The following COL14A1 variants were observed in gnomAD, a reference collection of about 807,000 sequenced individuals.
COL14A1 encodes the protein collagen alpha-1(XIV) chain.
Under a neutral mutation model 230.3 loss-of-function variants are expected in COL14A1, and 136 were observed. The ratio of observed to expected loss-of-function variants is 0.59; its 90% CI spans 0.51 to 0.68. The LOEUF (loss-of-function observed/expected upper bound fraction) is 0.68. Among genes scored for constraint, COL14A1 ranks in the 30% least tolerant of loss-of-function variants. The pLI is 0.00. For synonymous variants in COL14A1, 792 were observed against 784.1 expected (o/e 1.01, Z -0.17); for missense variants, 1,976 against 2,215.8 (o/e 0.89, Z 2.17).
chr8:120,176,651 T>G (rs936807544), intron 5 of COL14A1, among the ~76,000 whole-genome samples: 2 of 151,940 alleles, frequency 1.3e-5, no homozygotes, highest in African/African-American at 4.8e-5. Context: ...ACTAGATGGG[T>G]CTTGTAGGTT....
chr8:120,318,886 C>T (rs1318378000), intron 40 of COL14A1, among the ~76,000 whole-genome samples: 7 of 152,262 alleles, frequency 4.6e-5, no homozygotes, highest in Non-Finnish European at 5.9e-5. Flanking sequence ...AATCAGGAAG[C>T]CAAAGCTTTT....
At chr8:120,228,858 G>A in intron 18 of COL14A1, 89 bp downstream of exon 18, 9 of 1,152,936 alleles carry the variant, frequency 7.8e-6, no homozygotes, top group Non-Finnish European at 9.0e-6. Flanking sequence ...TTATTAACTA[G>A]GAAAAGAGAT....
In COL14A1 at chr8:120,141,284, T is replaced by C. The variant is rs186967509; in HGVS notation, c.-37-6522T>C. On this transcript the variant is annotated intron_variant, in intron 1 of 47. Transcript: ENST00000297848. ...TATGCTGGGCACAGTGGCTCATTCC[T>C]ATAATCCCAGTATTTTGAGAGTCTG... 2.8e-3 allele frequency among the ~76,000 whole-genome samples: 424 copies of C among 152,288 alleles called. 1 individual carries two copies. Among genetic ancestry groups the C allele is most frequent in the Non-Finnish European group, 4.1e-3 (280 of 68,024 alleles).
intron 23 of COL14A1, among the ~76,000 whole-genome samples, chr8:120,258,712 A>G (rs766973334): frequency 1.6e-4 from 24 of 152,194 alleles, no homozygotes; most frequent in Non-Finnish European, 2.9e-4. Context: ...TGACTCAGTC[A>G]TCCATTTGCC....
At chr8:120,234,524 G>T (rs770502134) in intron 19 of COL14A1, among the ~76,000 whole-genome samples, 7 of 152,082 alleles carry the variant, frequency 4.6e-5, no homozygotes, top group East Asian at 1.9e-4. Context: ...TAGCATGAAG[G>T]GGTGTTGAAT....
chr8:120,209,899 G>C lies in COL14A1; in HGVS notation c.1465G>C (p.Glu489Gln). The C allele has an allele frequency of 6.2e-7, 1 of 1,602,482 alleles. No homozygotes were observed. Among genetic ancestry groups the C allele is most frequent in the Non-Finnish European group, 8.5e-7 (1 of 1,175,812 alleles). Reference protein sequence around the residue: ...LTEGLAGDEKEMKIGETHTDI... With the variant: ...LTEGLAGDEKQMKIGETHTDI... ...AGAGGGCCTGGCTGGGGATGAAAAAGAGGTAACCACTTCCTACCTATTACA... is the reference window on the plus strand; with the variant it reads ...AGAGGGCCTGGCTGGGGATGAAAAACAGGTAACCACTTCCTACCTATTACA... The change falls in exon 12 of 48, where the codon GAG (glutamate) becomes CAG (glutamine). Residue 489 changes from glutamate to glutamine, a missense_variant and splice_region_variant. Around this residue, in one of 3 missense-constraint regions of COL14A1, gnomAD observed 1,791 missense variants for 2,019.5 expected, o/e 0.89. Transcript: ENST00000297848.
intron 1 of COL14A1, among the ~76,000 whole-genome samples, chr8:120,142,188 T>G (rs1032953305): frequency 6.6e-6 from 1 of 152,204 alleles, no homozygotes; most frequent in African/African-American, 2.4e-5. Context: ...CTTAGAATAT[T>G]TCATTGGAGT....
At chr8:120,278,668 T>C in intron 28 of COL14A1, 90 bp downstream of exon 28, 4 of 1,276,134 alleles carry the variant, frequency 3.1e-6, no homozygotes, top group Non-Finnish European at 4.2e-6. Context: ...CAGCATTACT[T>C]AAATGTTTTA....
At position 120,231,451 on chromosome 8, in the gene COL14A1, G is replaced by T; in HGVS notation, c.2198-16G>T. ...TATGTTAAAAGTTTTTTAATCCTTG[G>T]TTGTGTTTATTCCAGTTTTCCAGAC... On this transcript the variant is annotated splice_polypyrimidine_tract_variant and intron_variant, in intron 18 of 47. Coordinates refer to ENST00000297848, the MANE Select transcript of COL14A1 (RefSeq NM_021110.4). 1 of 1,611,962 alleles carries T rather than the reference G, an allele frequency of 6.2e-7. No individual in the cohort carries two copies. Among genetic ancestry groups the T allele is most frequent in the Non-Finnish European group, 8.5e-7 (1 of 1,179,246 alleles).
rs1173766250 is a variant in COL14A1, at chr8:120,310,011, T to A, written c.4404T>A (p.Gly1468=). ...AATACTTAACATCTGTTTGCCAGGGTGGTCCAGGACTCCGAGGACCAAAGG... is the reference window on the plus strand; with the variant it reads ...AATACTTAACATCTGTTTGCCAGGGAGGTCCAGGACTCCGAGGACCAAAGG... ...EVALGPAGPP[G]GPGLRGPKGQ... is the part of the protein sequence containing the mutation. The change falls in exon 37 of 48, where the codon GGT becomes GGA. Residue 1468 remains glycine, a splice_region_variant and synonymous_variant. Coordinates refer to ENST00000297848, the MANE Select transcript of COL14A1 (RefSeq NM_021110.4). 6.2e-7 allele frequency: 1 copy of A among 1,613,870 alleles called. No homozygotes were observed. The highest frequency in any genetic ancestry group is 8.5e-7 in the Non-Finnish European group (1 of 1,179,848).
At chr8:120,361,386 A>G (rs959847560) in intron 45 of COL14A1, among the ~76,000 whole-genome samples, 1 of 152,244 alleles carries the variant, frequency 6.6e-6, no homozygotes, top group Non-Finnish European at 1.5e-5. Context: ...CCATCTTAGC[A>G]TAAAGCATGG....
intron 2 of COL14A1, among the ~76,000 whole-genome samples, chr8:120,150,184 A>G (rs1644945195): frequency 6.6e-6 from 1 of 152,226 alleles, no homozygotes; most frequent in Non-Finnish European, 1.5e-5. Flanking sequence ...TGGCAGAGAC[A>G]AAGATGGAAA....
Position 120,280,773 on chromosome 8 carries a change from A to G in COL14A1, c.3685+24A>G, listed in dbSNP as rs749167012. 9.3e-6 allele frequency: 15 copies of G among 1,611,342 alleles called. No individual in the cohort carries two copies. In the Admixed American group the frequency reaches 2.5e-4, roughly 27 times the overall value. ...AGGTATGCATTATCACAATCTTTTC[A>G]AACACAAAATATATTACAGGCCTCT... On this transcript the variant is annotated intron_variant, in intron 30 of 47. Transcript: ENST00000297848.
chr8:120,148,898 C>G (rs907096530), intron 2 of COL14A1, among the ~76,000 whole-genome samples: 1 of 152,200 alleles, frequency 6.6e-6, no homozygotes, highest in African/African-American at 2.4e-5. Context: ...TGGGCCAAAT[C>G]TGGCCCACTG....
intron 4 of COL14A1, among the ~76,000 whole-genome samples, chr8:120,165,415 A>C (rs1379359264): frequency 6.6e-6 from 1 of 152,228 alleles, no homozygotes; most frequent in Non-Finnish European, 1.5e-5. Context: ...TATCTGATCT[A>C]ATAGGTATTA....
At chr8:120,348,966 A>C (rs1354193655) in intron 45 of COL14A1, among the ~76,000 whole-genome samples, 1 of 152,156 alleles carries the variant, frequency 6.6e-6, no homozygotes, top group Non-Finnish European at 1.5e-5. Flanking sequence ...AGTTTGAAAA[A>C]CACTATACCC....
chr8:120,247,113 C>A (rs1213093969), intron 20 of COL14A1, among the ~76,000 whole-genome samples: 1 of 152,122 alleles, frequency 6.6e-6, no homozygotes, highest in African/African-American at 2.4e-5. Context: ...GTTCTAAGAG[C>A]AATTATTTCC....
rs142397245 is a variant in COL14A1, at chr8:120,176,305, C to A, written c.436+8058C>A. ...CAGAATTCTACCCTCATGGAGCTTACATAATCTAGCAGGGCTCAACACATG... is the reference window on the plus strand; with the variant it reads ...CAGAATTCTACCCTCATGGAGCTTAAATAATCTAGCAGGGCTCAACACATG... On this transcript the variant is annotated intron_variant, in intron 5 of 47. Coordinates refer to ENST00000297848, the MANE Select transcript of COL14A1 (RefSeq NM_021110.4). 3.3e-5 allele frequency among the ~76,000 whole-genome samples: 5 copies of A among 152,232 alleles called. No individual in the cohort carries two copies. In the East Asian group the frequency reaches 9.7e-4, roughly 29 times the overall value.
rs1819516329 is a variant in COL14A1, at chr8:120,266,842, G to A, written c.3032G>A (p.Arg1011Gln). 3 of 1,611,996 alleles carry A rather than the reference G, an allele frequency of 1.9e-6. No homozygotes were observed. Among genetic ancestry groups the A allele is most frequent in the Non-Finnish European group, 8.5e-7 (1 of 1,178,692 alleles). ...TCCTTTACAGAATCACTTCCTACAC[G>A]ACCACCAACTTTTCCTCCAACCATT... is the stretch of plus-strand genomic sequence containing the variant. ...IMEKTQSLPT[R>Q]PPTFPPTIPP... The change falls in exon 25 of 48, where the codon CGA becomes CAA. Residue 1011 changes from arginine to glutamine, a missense_variant. Around this residue, in one of 3 missense-constraint regions of COL14A1, gnomAD observed 1,791 missense variants for 2,019.5 expected, o/e 0.89. Transcript: ENST00000297848.
Sources: gnomAD v4.1 joint callset for allele counts (sites outside exome capture counted in the v4.1 genomes callset) on GRCh38, gnomAD v4.1.1 for gene constraint, gnomAD v4.1.1 regional missense constraint, MANE v1.5 for transcripts, NCBI Gene and HGNC (gene_info 2026-07-23, HGNC 2026-07-21) for gene names.